Variants in FNDC3A observed in about 807,000 individuals in gnomAD.
The protein encoded by FNDC3A is fibronectin type-III domain-containing protein 3A.
A neutral mutation model predicts 148.9 loss-of-function variants in FNDC3A; 32 were observed. The ratio of observed to expected loss-of-function variants is 0.21; its 90% confidence interval spans 0.16 to 0.29. The LOEUF (loss-of-function observed/expected upper bound fraction) is 0.29, where lower values mean the gene tolerates loss of function less well. FNDC3A is among the 10% of genes least tolerant of loss of function. The pLI, the probability that FNDC3A is intolerant of heterozygous loss-of-function variation, is 1.00. For synonymous variants in FNDC3A, 472 were observed against 473.6 expected (o/e 1.00, Z 0.04); for missense variants, 1,191 against 1,452.8 (o/e 0.82, Z 2.93).
At chr13:49,098,156 T>G (rs1879649058) in intron 3 of FNDC3A, among the ~76,000 whole-genome samples, 1 of 152,084 alleles carries the variant, frequency 6.6e-6, no homozygotes, top group South Asian at 2.1e-4. Context: ...CAATCTATAA[T>G]TAAAATAAAA....
chr13:49,023,002 G>C (rs887531517), intron 2 of FNDC3A, among the ~76,000 whole-genome samples: 4 of 151,950 alleles, frequency 2.6e-5, no homozygotes, highest in African/African-American at 9.7e-5. Context: ...TATTAAGCTA[G>C]GTTGTCCTGG....
At chr13:49,076,026 C>T (rs1042710290) in intron 3 of FNDC3A, among the ~76,000 whole-genome samples, 3 of 152,050 alleles carry the variant, frequency 2.0e-5, no homozygotes, top group Non-Finnish European at 4.4e-5. Flanking sequence ...CACTCACCCT[C>T]ACTTATTCAT....
intron 2 of FNDC3A, among the ~76,000 whole-genome samples, chr13:49,038,217 G>A (rs1439241400): frequency 6.6e-6 from 1 of 152,124 alleles, no homozygotes; most frequent in Non-Finnish European, 1.5e-5. Context: ...TACAGGATAG[G>A]GGGTGCGGTG....
At chr13:49,174,260 A>G (rs768762473) in intron 11 of FNDC3A, among the ~76,000 whole-genome samples, 175 bp from the exon 12 acceptor site, 14 of 152,192 alleles carry the variant, frequency 9.2e-5, no homozygotes, top group Non-Finnish European at 1.8e-4. Context: ...TGGTGTTTTA[A>G]TTCTGCATTT....
chr13:49,183,801 G>T (rs1885426460), intron 14 of FNDC3A, among the ~76,000 whole-genome samples: 1 of 152,132 alleles, frequency 6.6e-6, no homozygotes, highest in African/African-American at 2.4e-5. Flanking sequence ...GTTCTGATGG[G>T]CTCTGTGATT....
chr13:49,013,281 T>G (rs1593469018), intron 2 of FNDC3A, among the ~76,000 whole-genome samples: 1 of 152,122 alleles, frequency 6.6e-6, no homozygotes, highest in Non-Finnish European at 1.5e-5. Flanking sequence ...TGCAACTGTG[T>G]TCCAGTCTGG....
chr13:49,111,964 A>G (rs903146602), intron 3 of FNDC3A, among the ~76,000 whole-genome samples: 1 of 152,228 alleles, frequency 6.6e-6, no homozygotes, highest in African/African-American at 2.4e-5. Context: ...ATTATAAACT[A>G]TTTTAGCGGC....
In FNDC3A at chr13:49,201,983, GA is replaced by G; in HGVS notation, c.3154+19del. ...CCTTGAAAGGTAAGTTATACATCCTGAACTTATTTTCTTTATAATAAATTAC... is the reference window on the plus strand; with the variant it reads ...CCTTGAAAGGTAAGTTATACATCCTGACTTATTTTCTTTATAATAAATTAC... On this transcript the variant is annotated intron_variant, in intron 24 of 25. Transcript: ENST00000492622. 1 of 1,437,796 alleles carries G rather than the reference GA, an allele frequency of 7.0e-7. No homozygotes were observed. Among genetic ancestry groups the G allele is most frequent in the Non-Finnish European group, 9.3e-7 (1 of 1,080,990 alleles). 89.1% of individuals were successfully genotyped at this position (1,437,796 alleles called of 1,614,324 possible).
chr13:48,990,871 CT>C (rs1411862299), intron 1 of FNDC3A, among the ~76,000 whole-genome samples: 13 of 152,090 alleles, frequency 8.5e-5, no homozygotes, highest in African/African-American at 2.9e-4. Flanking sequence ...ATACATATTC[CT>C]GAAGTAGTGT....
At chr13:49,063,597 G>A (rs183038947) in intron 2 of FNDC3A, among the ~76,000 whole-genome samples, 89 of 152,256 alleles carry the variant, frequency 5.8e-4, no homozygotes, top group Admixed American at 4.1e-3. Flanking sequence ...ACAAGCTATT[G>A]ATTGGGTATA....
intron 13 of FNDC3A, among the ~76,000 whole-genome samples, chr13:49,177,454 A>T (rs1885087921): frequency 6.6e-6 from 1 of 152,308 alleles, no homozygotes; most frequent in African/African-American, 2.4e-5. Context: ...CTATTATTAA[A>T]TCTATATATA....
At chr13:49,009,329 G>C (rs1358304146) in intron 2 of FNDC3A, among the ~76,000 whole-genome samples, 1 of 152,086 alleles carries the variant, frequency 6.6e-6, no homozygotes, top group East Asian at 1.9e-4. Flanking sequence ...ATACTTCATT[G>C]TATAGATGGA....
intron 14 of FNDC3A, among the ~76,000 whole-genome samples, chr13:49,181,287 A>C (rs1278863218): frequency 6.6e-6 from 1 of 152,342 alleles, no homozygotes; most frequent in Admixed American, 6.5e-5. Context: ...GAAGGGGGCT[A>C]TATTCTGGCT....
chr13:49,155,929 T>TTTA (rs1199533479), intron 8 of FNDC3A, among the ~76,000 whole-genome samples: 4 of 133,742 alleles, frequency 3.0e-5, no homozygotes, highest in African/African-American at 1.2e-4. Flanking sequence ...TGAGGAGAGC[T>TTTA]TTACTTCCAA....
At chr13:49,104,183 G>A (rs1880020842) in intron 3 of FNDC3A, among the ~76,000 whole-genome samples, 1 of 152,210 alleles carries the variant, frequency 6.6e-6, no homozygotes, top group African/African-American at 2.4e-5. Flanking sequence ...TTTTGCCAGT[G>A]CAGTTTCAGT....
intron 3 of FNDC3A, among the ~76,000 whole-genome samples, chr13:49,103,046 A>T (rs1163593222): frequency 6.6e-6 from 1 of 152,234 alleles, no homozygotes; most frequent in Non-Finnish European, 1.5e-5. Context: ...ACTGTGTACC[A>T]AACACTGTTC....
intron 2 of FNDC3A, among the ~76,000 whole-genome samples, chr13:49,015,345 T>G (rs1265163652): frequency 1.3e-5 from 2 of 152,224 alleles, no homozygotes; most frequent in Admixed American, 1.3e-4. Flanking sequence ...CTAGGTATTT[T>G]ATTCTCTTTG....
intron 17 of FNDC3A, among the ~76,000 whole-genome samples, chr13:49,190,384 G>C (rs1431739206): frequency 2.0e-5 from 3 of 152,134 alleles, no homozygotes; most frequent in African/African-American, 7.2e-5. Flanking sequence ...TAAGCTTGGT[G>C]CAGTGACAAA....
At chr13:49,152,967 C>T (rs1469027812) in intron 8 of FNDC3A, among the ~76,000 whole-genome samples, 20 of 149,638 alleles carry the variant, frequency 1.3e-4, no homozygotes, top group African/African-American at 3.2e-4. Flanking sequence ...TGAATAATGC[C>T]GCAGTAAACA....
Sources: gnomAD v4.1 joint callset for allele counts (sites outside exome capture counted in the v4.1 genomes callset) on GRCh38, gnomAD v4.1.1 for gene constraint, MANE v1.5 for transcripts, NCBI Gene and HGNC (gene_info 2026-07-23, HGNC 2026-07-21) for gene names.